LINGO2: variants seen among roughly 807,000 people sequenced by gnomAD.
LINGO2 encodes leucine-rich repeat and immunoglobulin-like domain-containing nogo receptor-interacting protein 2.
In LINGO2, 14 loss-of-function variants were observed where a neutral mutation model predicts 30.6. The observed-to-expected ratio is 0.46, with a 90% CI of 0.30 to 0.72. The LOEUF is 0.72. Ranked by LOEUF, LINGO2 falls within the 30% of genes least tolerant of loss-of-function variation. The probability of loss-of-function intolerance (pLI) is 0.07; values close to 1 mark genes in which losing one functional copy is unlikely to be tolerated. For synonymous variants in LINGO2, 317 were observed against 288.5 expected (o/e 1.10, Z -1.00); for missense variants, 729 against 751.7 (o/e 0.97, Z 0.35).
At chr9:29,135,507 G>T in the LINGO2 span, among the ~76,000 whole-genome samples, 1 of 151,108 alleles carries the variant, frequency 6.6e-6, no homozygotes. Flanking sequence ...GCAGTGAGCC[G>T]GGATTGCACC....
the LINGO2 span, among the ~76,000 whole-genome samples, chr9:28,859,711 A>G: frequency 2.0e-5 from 3 of 152,058 alleles, no homozygotes; most frequent in African/African-American, 7.2e-5. Flanking sequence ...TGTTTTAAAT[A>G]TGAATATTTT....
At chr9:28,001,744 C>A (rs1185593512) in intron 5 of LINGO2, among the ~76,000 whole-genome samples, 1 of 151,934 alleles carries the variant, frequency 6.6e-6, no homozygotes, top group Non-Finnish European at 1.5e-5. Flanking sequence ...TTGTTAGTTT[C>A]AAGTCTGAAG....
At chr9:28,758,843 C>G in the LINGO2 span, among the ~76,000 whole-genome samples, 2 of 152,082 alleles carry the variant, frequency 1.3e-5, no homozygotes, top group Non-Finnish European at 2.9e-5. Context: ...CGATAACTTA[C>G]TGGATCCATT....
chr9:27,965,319 A>G (rs549628845), intron 5 of LINGO2, among the ~76,000 whole-genome samples: 1 of 150,880 alleles, frequency 6.6e-6, no homozygotes, highest in East Asian at 1.9e-4. Context: ...CTTTTACCTT[A>G]TACTTCTCTC....
intron 4 of LINGO2, among the ~76,000 whole-genome samples, chr9:28,109,055 G>C (rs2133350654): frequency 6.6e-6 from 1 of 152,312 alleles, no homozygotes; most frequent in African/African-American, 2.4e-5. Flanking sequence ...CCACGATCAA[G>C]TCAGCTTCAT....
chr9:28,564,800 G>T (rs1008464032), intron 1 of LINGO2, among the ~76,000 whole-genome samples: 4 of 152,080 alleles, frequency 2.6e-5, no homozygotes, highest in Non-Finnish European at 5.9e-5. Context: ...TAAAAATTCA[G>T]TTCCTCTACT....
intron 2 of LINGO2, among the ~76,000 whole-genome samples, chr9:28,400,755 G>T (rs1227621648): frequency 1.3e-5 from 2 of 152,172 alleles, no homozygotes; most frequent in Non-Finnish European, 2.9e-5. Context: ...TAATGCAGGT[G>T]CAGGAAAACA....
rs140490485 is a variant in LINGO2, at chr9:28,617,365, G to A, written c.-365+52835C>T. ...GGCTGGAGTGCAGTGGCGCGATCTC[G>A]GATCACTGCAACTTCCGCCTCCCAG... On this transcript the variant is annotated intron_variant, in intron 1 of 5. Transcript: ENST00000379992. Among the ~76,000 whole-genome samples, 367 of 150,954 alleles carry A rather than the reference G, an allele frequency of 2.4e-3. 2 individuals carry two copies. The highest frequency in any genetic ancestry group is 8.5e-3 in the African/African-American group (348 of 40,918).
the LINGO2 span, among the ~76,000 whole-genome samples, chr9:28,757,769 C>T: frequency 6.6e-6 from 1 of 152,036 alleles, no homozygotes; most frequent in South Asian, 2.1e-4. Flanking sequence ...AGAGGGTCAG[C>T]AACTGAACTC....
At chr9:28,983,244 C>T in the LINGO2 span, among the ~76,000 whole-genome samples, 6 of 150,400 alleles carry the variant, frequency 4.0e-5, no homozygotes, top group Non-Finnish European at 5.9e-5. Context: ...TATTGTGTCT[C>T]GCAAAGTCTA....
At chr9:28,408,774 CA>C (rs68142692) in intron 2 of LINGO2, among the ~76,000 whole-genome samples, 83,834 of 127,288 alleles carry the variant, frequency 0.66, 26,615 homozygotes, top group Non-Finnish European at 0.75. Context: ...TATAAAAAAA[CA>C]AAAAAAAAAA....
chr9:28,022,426 T>A (rs961494230), intron 4 of LINGO2, among the ~76,000 whole-genome samples: 2 of 152,118 alleles, frequency 1.3e-5, no homozygotes, highest in African/African-American at 4.8e-5. Context: ...AATATAGGTA[T>A]GAGTTTCTGA....
the LINGO2 span, among the ~76,000 whole-genome samples, chr9:28,691,284 A>G: frequency 6.6e-6 from 1 of 152,154 alleles, no homozygotes; most frequent in Non-Finnish European, 1.5e-5. Flanking sequence ...AACATCCTCA[A>G]ATCACATATA....
chr9:28,378,873 C>A (rs1821231475), intron 2 of LINGO2, among the ~76,000 whole-genome samples: 1 of 152,020 alleles, frequency 6.6e-6, no homozygotes, highest in Non-Finnish European at 1.5e-5. Flanking sequence ...TTCATGAGTT[C>A]AGGGAAGAAA....
chr9:28,542,434 C>A (rs1441185366), intron 1 of LINGO2, among the ~76,000 whole-genome samples: 1 of 151,880 alleles, frequency 6.6e-6, no homozygotes, highest in African/African-American at 2.4e-5. Context: ...GGTAAGAGAT[C>A]CAAATACATG....
At chr9:28,034,879 A>T (rs763273882) in intron 4 of LINGO2, among the ~76,000 whole-genome samples, 1 of 152,210 alleles carries the variant, frequency 6.6e-6, no homozygotes, top group African/African-American at 2.4e-5. Context: ...ATACCATTTC[A>T]GGTAGATCAG....
At chr9:28,292,811 C>T (rs1330412884) in intron 4 of LINGO2, among the ~76,000 whole-genome samples, 2 of 151,836 alleles carry the variant, frequency 1.3e-5, no homozygotes, top group East Asian at 1.9e-4. Flanking sequence ...TGCTTTGTCG[C>T]CCAGGCTGGA....
intron 2 of LINGO2, among the ~76,000 whole-genome samples, chr9:28,409,572 T>C (rs754552387): frequency 9.9e-5 from 15 of 151,960 alleles, no homozygotes; most frequent in Non-Finnish European, 2.1e-4. Context: ...TTATATTTCA[T>C]ATAAAATCTG....
At chr9:28,136,184 AT>A (rs1250833348) in intron 4 of LINGO2, among the ~76,000 whole-genome samples, 1 of 152,190 alleles carries the variant, frequency 6.6e-6, no homozygotes, top group Non-Finnish European at 1.5e-5. Flanking sequence ...TAATTATAGA[AT>A]TTTTACAAAG....
Sources: gnomAD v4.1 joint callset for allele counts (sites outside exome capture counted in the v4.1 genomes callset) on GRCh38, gnomAD v4.1.1 for gene constraint, MANE v1.5 for transcripts, NCBI Gene and HGNC (gene_info 2026-07-23, HGNC 2026-07-21) for gene names.